CYP51A1: variants seen among roughly 807,000 people sequenced by gnomAD.
CYP51A1 encodes the protein lanosterol 14-alpha demethylase.
A neutral mutation model predicts 53.5 loss-of-function variants in CYP51A1; 45 were observed. The observed-to-expected ratio is 0.84, with a 90% CI of 0.66 to 1.08. The LOEUF (loss-of-function observed/expected upper bound fraction) is 1.08, where lower values mean the gene tolerates loss of function less well. Ranked by LOEUF, CYP51A1 falls within the 50% of genes least tolerant of loss-of-function variation. The pLI, the probability that CYP51A1 is intolerant of heterozygous loss-of-function variation, is 0.00. For missense variants in CYP51A1, 462 were observed against 621.7 expected (o/e 0.74, Z 2.73); for synonymous variants, 181 against 217.7 (o/e 0.83, Z 1.48).
At chr7:92,117,988 C>CA (rs5885800) in intron 8 of CYP51A1, among the ~76,000 whole-genome samples, 49,301 of 113,660 alleles carry the variant, frequency 0.43, 9,120 homozygotes, top group Middle Eastern at 0.57. Context: ...AATGCCGTCT[C>CA]AAAAAAAAAA....
rs746385504 is a variant in CYP51A1 at position 92,123,179 on chromosome 7, AT to A, written c.1026del (p.Lys342AsnfsTer4). The A allele has an allele frequency of 1.2e-6, 2 of 1,613,090 alleles. No individual in the cohort carries two copies. Among genetic ancestry groups the A allele is most frequent in the Admixed American group, 1.7e-5 (1 of 59,968 alleles). ...FLARDKTLQK[K>X]CYLEQKTVCG... ...CAGACTGTTTTCTGTTCTAAATAACATTTTTTTTGAAGTGTTTTGTCTCTGG... is the reference window on the plus strand; with the variant it reads ...CAGACTGTTTTCTGTTCTAAATAACATTTTTTTGAAGTGTTTTGTCTCTGG... On this transcript the variant is annotated frameshift_variant, in exon 7 of 10. Transcript: ENST00000003100. LOFTEE classifies it high-confidence loss of function.
chr7:92,124,539 C>T (rs1346452136), intron 5 of CYP51A1, among the ~76,000 whole-genome samples: 1 of 152,188 alleles, frequency 6.6e-6, no homozygotes, highest in Non-Finnish European at 1.5e-5. Flanking sequence ...GGCAGTCTGA[C>T]TCCCAAGCCC....
Position 92,124,960 on chromosome 7 carries a change from G to A in CYP51A1, c.771-1107C>T, listed in dbSNP as rs149198438. Among the ~76,000 whole-genome samples, 424 of 152,118 alleles carry A rather than the reference G, an allele frequency of 2.8e-3. 1 individual carries two copies. The highest frequency in any genetic ancestry group is 9.6e-3 in the African/African-American group (400 of 41,506). Reference sequence around the variant, plus strand: ...AGATCAAGACCATCCTGGCTAACACGGTGAAACCCCATCTCTACTAAAAGT... The same window carrying A: ...AGATCAAGACCATCCTGGCTAACACAGTGAAACCCCATCTCTACTAAAAGT... On this transcript the variant is annotated intron_variant, in intron 5 of 9. Transcript: ENST00000003100.
chr7:92,122,597 A>G (rs2130948255), intron 7 of CYP51A1, among the ~76,000 whole-genome samples: 1 of 152,362 alleles, frequency 6.6e-6, no homozygotes, highest in Middle Eastern at 3.4e-3. Context: ...AGATAACAGG[A>G]AGATGACATC....
chr7:92,127,495 T>C lies in CYP51A1; in HGVS notation c.595+10A>G, dbSNP rs770575739. 2 of 1,604,718 alleles carry C rather than the reference T, an allele frequency of 1.2e-6. No individual in the cohort carries two copies. The highest frequency in any genetic ancestry group is 1.7e-6 in the Non-Finnish European group (2 of 1,177,080). ...GAAATGTTAGGACAAACATAAAACA[T>C]TTTGCTTACTTTTTTCTCCACTTTC... On this transcript the variant is annotated intron_variant, in intron 4 of 9. Transcript: ENST00000003100.
In CYP51A1 at chr7:92,123,850, G is replaced by T; in HGVS notation, c.774C>A (p.Arg258=). Residue 258 remains arginine, a synonymous_variant, in exon 6 of 10, where the codon CGC becomes CGA. Coordinates refer to ENST00000003100, the MANE Select transcript of CYP51A1 (RefSeq NM_000786.4). ...PGWLPLPSFR[R]RDRAHREIKD... is the part of the protein sequence containing the mutation. ...TGATTTCCCGATGAGCTCTGTCCCTGCGTCTGTAATTAAAAGATAAAGATG... is the reference window on the plus strand; with the variant it reads ...TGATTTCCCGATGAGCTCTGTCCCTTCGTCTGTAATTAAAAGATAAAGATG... The T allele has an allele frequency of 6.3e-7, 1 of 1,581,974 alleles. No individual in the cohort carries two copies. The highest frequency in any genetic ancestry group is 8.6e-7 in the Non-Finnish European group (1 of 1,169,408).
chr7:92,116,205 A>C (rs1194721326), intron 9 of CYP51A1, among the ~76,000 whole-genome samples: 1 of 152,282 alleles, frequency 6.6e-6, no homozygotes, highest in East Asian at 1.9e-4. Flanking sequence ...CCAGAGGTGG[A>C]GGTTGCAGTG....
chr7:92,128,498 T>C (rs1819851207), intron 3 of CYP51A1, among the ~76,000 whole-genome samples: 2 of 150,610 alleles, frequency 1.3e-5, no homozygotes, highest in African/African-American at 2.5e-5. Context: ...TTGTTTCTGT[T>C]TTTGAGACAG....
intron 2 of CYP51A1, among the ~76,000 whole-genome samples, chr7:92,129,564 T>G (rs1473792350): frequency 6.6e-6 from 1 of 152,230 alleles, no homozygotes; most frequent in Non-Finnish European, 1.5e-5. Context: ...TCACCTACAC[T>G]AAATGACTTC....
rs1819469855 is a variant in CYP51A1 at position 92,112,874 on chromosome 7, C to T, written c.*791G>A. 1 of 145,412 alleles carries T rather than the reference C, an allele frequency of 6.9e-6. No homozygotes were observed. The highest frequency in any genetic ancestry group is 2.5e-5 in the African/African-American group (1 of 39,636). The allele number at this position is 145,412 out of a possible 1,614,324, so 9.0% of individuals were successfully genotyped here. A position where few individuals can be genotyped will look rare whatever the true frequency, so the allele number is the denominator to read the frequency against. ...GAAGCAGGGAACAACTGAGCCAAAA[C>T]AAAATTATCCCCTAAGGACTTGACT... is the stretch of plus-strand genomic sequence containing the variant. On this transcript the variant is annotated 3_prime_UTR_variant, in exon 10 of 10. Transcript: ENST00000003100.
chr7:92,126,156 CTTGT>C, intron 5 of CYP51A1, 93 bp downstream of exon 5: 1 of 820,608 alleles, frequency 1.2e-6, no homozygotes, highest in Non-Finnish European at 1.8e-6. Context: ...GTATGTTTTA[CTTGT>C]TTAATTTTTA....
intron 7 of CYP51A1, among the ~76,000 whole-genome samples, chr7:92,121,946 A>G (rs955514514): frequency 1.4e-4 from 22 of 152,200 alleles, no homozygotes; most frequent in Non-Finnish European, 2.5e-4. Context: ...TACATTTTAA[A>G]TGGATGGATT....
upstream of CYP51A1, chr7:92,134,561 TTAAA>T (rs1296805254): frequency 3.4e-6 from 2 of 591,116 alleles, no homozygotes; most frequent in Admixed American, 6.3e-5. Flanking sequence ...GCCACGCCCC[TTAAA>T]TAACACTCTG....
rs1192933386 is a variant in CYP51A1, at chr7:92,134,405, T to C, written c.-41A>G. The C allele has an allele frequency of 6.6e-7, 1 of 1,505,360 alleles. No homozygotes were observed. The highest frequency in any genetic ancestry group is 8.9e-7 in the Non-Finnish European group (1 of 1,120,432). 93.3% of individuals were successfully genotyped at this position (1,505,360 alleles called of 1,614,324 possible). On this transcript the variant is annotated 5_prime_UTR_variant, in exon 1 of 10. Transcript: ENST00000003100. ...CACTGAAGGCCGAGGTCGCCACCGC[T>C]CCTCCCAATCGACGGAACGAGAGAA... is the stretch of plus-strand genomic sequence containing the variant.
At chr7:92,122,882 A>G (rs1819718224) in intron 7 of CYP51A1, among the ~76,000 whole-genome samples, 1 of 152,226 alleles carries the variant, frequency 6.6e-6, no homozygotes, top group Non-Finnish European at 1.5e-5. Context: ...AGTAAGTACC[A>G]AAGAAACATC....
intron 7 of CYP51A1, among the ~76,000 whole-genome samples, chr7:92,121,814 C>T (rs1380316463): frequency 6.6e-6 from 1 of 152,156 alleles, no homozygotes; most frequent in Non-Finnish European, 1.5e-5. Context: ...GGGCAGCAGT[C>T]AGGGAGAATG....
At chr7:92,116,633 T>C (rs1361728474) in intron 9 of CYP51A1, among the ~76,000 whole-genome samples, 1 of 152,234 alleles carries the variant, frequency 6.6e-6, no homozygotes, top group Non-Finnish European at 1.5e-5. Flanking sequence ...TGACTAACGA[T>C]CGAGAAGAGC....
At chr7:92,131,540 C>T (rs1819917766) in intron 2 of CYP51A1, among the ~76,000 whole-genome samples, 2 of 152,196 alleles carry the variant, frequency 1.3e-5, no homozygotes, top group Non-Finnish European at 2.9e-5. Flanking sequence ...GCCAGAACTA[C>T]AGGTTTCCTC....
rs756539673 is a variant in CYP51A1 at position 92,131,877 on chromosome 7, A to C, written c.193-5T>G. The C allele has an allele frequency of 2.0e-6, 3 of 1,497,980 alleles. No individual in the cohort carries two copies. The South Asian group carries it at 3.4e-5, about 17-fold the overall frequency. 92.8% of individuals were successfully genotyped at this position (1,497,980 alleles called of 1,614,324 possible). On this transcript the variant is annotated splice_polypyrimidine_tract_variant and splice_region_variant and intron_variant, in intron 1 of 9. Coordinates refer to ENST00000003100, the MANE Select transcript of CYP51A1 (RefSeq NM_000786.4). ...GAAAATGTATGGAGGACTTTTCTAC[A>C]AGAGAAAAAAATAGTAAATTCAATT...
Sources: allele counts gnomAD v4.1 joint callset (sites outside exome capture counted in the v4.1 genomes callset), GRCh38; gene constraint gnomAD v4.1.1; transcripts MANE v1.5; gene names NCBI Gene and HGNC (gene_info 2026-07-23, HGNC 2026-07-21).